DIP2C: variants seen among roughly 807,000 people sequenced by gnomAD.
DIP2C encodes the protein disco-interacting protein 2 homolog C.
A neutral mutation model predicts 192.4 loss-of-function variants in DIP2C; 33 were observed. The observed-to-expected ratio is 0.17, with a 90% CI of 0.13 to 0.23. The LOEUF (loss-of-function observed/expected upper bound fraction) is 0.23. Ranked by LOEUF, DIP2C falls within the 10% of genes least tolerant of loss-of-function variation. The probability of loss-of-function intolerance (pLI) is 1.00; values close to 1 mark genes in which losing one functional copy is unlikely to be tolerated. For missense variants in DIP2C, 1,537 were observed against 2,110.1 expected (o/e 0.73, Z 5.32); for synonymous variants, 979 against 864.1 (o/e 1.13, Z -2.33).
At chr10:679,981 A>G (rs183015489) in intron 1 of DIP2C, among the ~76,000 whole-genome samples, 1 of 152,208 alleles carries the variant, frequency 6.6e-6, no homozygotes, top group Non-Finnish European at 1.5e-5. Flanking sequence ...CATCTGATCC[A>G]CATTAATCCT....
intron 1 of DIP2C, among the ~76,000 whole-genome samples, chr10:673,103 G>A (rs1385680947): frequency 6.6e-6 from 1 of 152,038 alleles, no homozygotes; most frequent in Non-Finnish European, 1.5e-5. Flanking sequence ...AGCTGGGAGG[G>A]GCTGCCACAG....
chr10:602,090 C>A (rs764832138), intron 1 of DIP2C, among the ~76,000 whole-genome samples: 1 of 133,056 alleles, frequency 7.5e-6, no homozygotes, highest in Admixed American at 8.2e-5. Context: ...GGGGTGGGGG[C>A]GGGGAATGTC....
chr10:333,957 T>C (rs2132487898), intron 29 of DIP2C, among the ~76,000 whole-genome samples: 1 of 152,356 alleles, frequency 6.6e-6, no homozygotes, highest in South Asian at 2.1e-4. Context: ...TCTGGTGAGA[T>C]ATCTATTCAG....
chr10:289,950 A>G (rs1449160558), intron 32 of DIP2C, among the ~76,000 whole-genome samples: 1 of 152,182 alleles, frequency 6.6e-6, no homozygotes, highest in Non-Finnish European at 1.5e-5. Context: ...TGAGTGACTG[A>G]GGCCACAGGA....
At chr10:354,075 C>A (rs944074116) in intron 24 of DIP2C, among the ~76,000 whole-genome samples, 1 of 152,112 alleles carries the variant, frequency 6.6e-6, no homozygotes, top group East Asian at 1.9e-4. Flanking sequence ...TGATGCTTGG[C>A]GCAAAATAAC....
chr10:615,135 C>T (rs772421922), intron 1 of DIP2C, among the ~76,000 whole-genome samples: 10 of 152,216 alleles, frequency 6.6e-5, no homozygotes, highest in Admixed American at 5.2e-4. Flanking sequence ...CCACGACACA[C>T]GTGACACTTC....
intron 22 of DIP2C, among the ~76,000 whole-genome samples, chr10:361,958 A>T (rs531135311): frequency 6.6e-6 from 1 of 152,098 alleles, no homozygotes; most frequent in Admixed American, 6.5e-5. Flanking sequence ...TGGGGGGAAA[A>T]CTGTGCCAAT....
At chr10:417,570 G>A (rs1323151699) in intron 6 of DIP2C, among the ~76,000 whole-genome samples, 2 of 152,218 alleles carry the variant, frequency 1.3e-5, no homozygotes, top group South Asian at 2.1e-4. Flanking sequence ...CCTCACGTGA[G>A]GATGTGGCAG....
Position 288,848 on chromosome 10 carries a change from C to T in DIP2C, c.3987-427G>A, listed in dbSNP as rs1157851626. ...AGGTGTGCAGCGGCCGAGAGCCCTC[C>T]CAAGACAGCGCGTGCATCGCAGCCA... On this transcript the variant is annotated intron_variant, in intron 32 of 36. Transcript: ENST00000280886. Among the ~76,000 whole-genome samples the T allele has an allele frequency of 2.0e-5, 3 of 152,340 alleles. No homozygotes were observed. The East Asian group carries it at 5.8e-4, about 29-fold the overall frequency.
intron 1 of DIP2C, among the ~76,000 whole-genome samples, chr10:633,418 G>A (rs1854647072): frequency 6.6e-6 from 1 of 152,152 alleles, no homozygotes; most frequent in African/African-American, 2.4e-5. Context: ...GGGAGTCCGA[G>A]GCGGTGCTGC....
intron 1 of DIP2C, among the ~76,000 whole-genome samples, chr10:543,114 C>A (rs1377709174): frequency 1.3e-5 from 2 of 152,222 alleles, no homozygotes; most frequent in African/African-American, 4.8e-5. Flanking sequence ...TAACTCGCTG[C>A]ACAGATACAA....
chr10:337,439 A>ATGTG (rs1957885405), intron 29 of DIP2C, among the ~76,000 whole-genome samples: 1 of 91,278 alleles, frequency 1.1e-5, no homozygotes, highest in Non-Finnish European at 2.2e-5. Context: ...GCCTAGGCTG[A>ATGTG]TTGTGTGTGC....
At chr10:552,861 C>G (rs1014058130) in intron 1 of DIP2C, among the ~76,000 whole-genome samples, 1 of 152,184 alleles carries the variant, frequency 6.6e-6, no homozygotes, top group Non-Finnish European at 1.5e-5. Flanking sequence ...AAAAAAGTGA[C>G]GAACACCCCA....
At chr10:336,893 C>CAGGT (rs1171471402) in intron 29 of DIP2C, among the ~76,000 whole-genome samples, 5 of 54,744 alleles carry the variant, frequency 9.1e-5, no homozygotes, top group African/African-American at 4.0e-4. Context: ...GAGGCCTAGG[C>CAGGT]AGGTGTGTGT....
At chr10:601,769 G>A (rs778011345) in intron 1 of DIP2C, among the ~76,000 whole-genome samples, 1 of 152,210 alleles carries the variant, frequency 6.6e-6, no homozygotes, top group Non-Finnish European at 1.5e-5. Context: ...AGGGAAGGGG[G>A]AACAAGGCCA....
intron 1 of DIP2C, among the ~76,000 whole-genome samples, chr10:572,092 G>T (rs899871600): frequency 7.9e-5 from 12 of 152,216 alleles, no homozygotes; most frequent in African/African-American, 2.9e-4. Flanking sequence ...TCGGGATTGA[G>T]TGACAGCCTT....
chr10:501,188 C>A (rs1448933296), intron 1 of DIP2C, among the ~76,000 whole-genome samples: 2 of 152,144 alleles, frequency 1.3e-5, no homozygotes, highest in African/African-American at 2.4e-5. Flanking sequence ...CCTGGTGCAA[C>A]ATGTAAATGT....
chr10:631,492 T>C (rs1415105398), intron 1 of DIP2C, among the ~76,000 whole-genome samples: 1 of 152,094 alleles, frequency 6.6e-6, no homozygotes, highest in Non-Finnish European at 1.5e-5. Flanking sequence ...ACTGGACGTG[T>C]CACCTGGCGA....
intron 1 of DIP2C, among the ~76,000 whole-genome samples, chr10:534,724 C>T (rs1011554306): frequency 6.7e-6 from 1 of 149,052 alleles, no homozygotes; most frequent in Admixed American, 6.7e-5. Flanking sequence ...GGCCGGACTG[C>T]GGACTGCAGT....
Sources: gnomAD v4.1 joint callset for allele counts (sites outside exome capture counted in the v4.1 genomes callset) on GRCh38, gnomAD v4.1.1 for gene constraint, MANE v1.5 for transcripts, NCBI Gene and HGNC (gene_info 2026-07-23, HGNC 2026-07-21) for gene names.